MMP26: variants seen among roughly 807,000 people sequenced by gnomAD.
MMP26 encodes matrix metallopeptidase 26.
MMP26 carries 33 observed loss-of-function variants against 31.0 expected under a neutral mutation model. That is an observed-to-expected ratio of 1.06 (90% confidence interval 0.81 to 1.42). The LOEUF is 1.42. MMP26 is among the 40% of genes most tolerant of loss of function. MMP26 has a pLI of 0.00. For synonymous variants in MMP26, 122 were observed against 114.9 expected, an observed-to-expected ratio of 1.06 and a Z score of -0.40; for missense variants, 347 against 316.1, an observed-to-expected ratio of 1.10 and a Z score of -0.74.
At chr11:4,883,096 C>T (rs1396643560) in intron 2 of MMP26, among the ~76,000 whole-genome samples, 1 of 152,066 alleles carries the variant, frequency 6.6e-6, no homozygotes, top group Non-Finnish European at 1.5e-5. Flanking sequence ...TGTCCCTGAA[C>T]CATTTTAAAC....
intron 2 of MMP26, among the ~76,000 whole-genome samples, chr11:4,817,423 A>G (rs1430792172): frequency 6.6e-6 from 1 of 152,084 alleles, no homozygotes; most frequent in Non-Finnish European, 1.5e-5. Flanking sequence ...TTCTCTGCAA[A>G]ATAAATAAAT....
Position 4,826,784 on chromosome 11 carries a change from G to A in MMP26, c.-145+59443G>A, listed in dbSNP as rs570032700. ...AAAGGAATTTGGAGGTTGAGAAATG[G>A]CATATCAATAATAATCCAGATACCA... On this transcript the variant is annotated intron_variant, in intron 2 of 7. Coordinates refer to ENST00000380390, the MANE Select transcript of MMP26 (RefSeq NM_021801.5). Among the ~76,000 whole-genome samples, 4 of 152,124 alleles carry A rather than the reference G, an allele frequency of 2.6e-5. No individual in the cohort carries two copies. In the East Asian group the frequency reaches 7.7e-4, roughly 29 times the overall value.
chr11:4,885,959 T>C (rs10768340), intron 2 of MMP26, among the ~76,000 whole-genome samples: 100,703 of 151,868 alleles, frequency 0.66, 34,839 homozygotes, highest in Middle Eastern at 0.78. Context: ...TTCTTCACCA[T>C]CTGAACTCCA....
intron 2 of MMP26, among the ~76,000 whole-genome samples, chr11:4,935,188 T>C (rs938253330): frequency 6.6e-6 from 1 of 151,864 alleles, no homozygotes; most frequent in Admixed American, 6.6e-5. Flanking sequence ...TTTCACGATA[T>C]TGATTCTTCC....
intron 1 of MMP26, among the ~76,000 whole-genome samples, chr11:4,757,413 G>T (rs1848518030): frequency 6.6e-6 from 1 of 151,852 alleles, no homozygotes; most frequent in Non-Finnish European, 1.5e-5. Context: ...TATGACCTTG[G>T]GTTAGGCAAA....
At chr11:4,938,560 A>C in intron 2 of MMP26, among the ~76,000 whole-genome samples, 1 of 152,138 alleles carries the variant, frequency 6.6e-6, no homozygotes, top group East Asian at 1.9e-4. Context: ...TTAAATTATC[A>C]AACAACTTAG....
At chr11:4,979,211 C>A (rs1038470380) in intron 2 of MMP26, among the ~76,000 whole-genome samples, 2 of 152,090 alleles carry the variant, frequency 1.3e-5, no homozygotes, top group African/African-American at 4.8e-5. Context: ...AGATGGATAA[C>A]CATGAAGCTG....
intron 2 of MMP26, among the ~76,000 whole-genome samples, chr11:4,881,244 G>A (rs1369230027): frequency 6.6e-6 from 1 of 152,064 alleles, no homozygotes; most frequent in African/African-American, 2.4e-5. Context: ...CGGAACCACT[G>A]TCTCCTCTCC....
At chr11:4,806,578 A>G (rs978520668) in intron 2 of MMP26, among the ~76,000 whole-genome samples, 2 of 151,896 alleles carry the variant, frequency 1.3e-5, no homozygotes, top group South Asian at 2.1e-4. Context: ...TTGCTTGGTA[A>G]ATCTTCCTCC....
At chr11:4,917,787 T>C (rs1006421431) in intron 2 of MMP26, among the ~76,000 whole-genome samples, 6 of 152,098 alleles carry the variant, frequency 3.9e-5, no homozygotes, top group African/African-American at 1.4e-4. Flanking sequence ...TGTAATAGTC[T>C]CTAATTGTTC....
chr11:4,816,744 C>G (rs1461045417), intron 2 of MMP26, among the ~76,000 whole-genome samples: 5 of 127,874 alleles, frequency 3.9e-5, no homozygotes, highest in Admixed American at 1.7e-4. Flanking sequence ...CGCTCTATTG[C>G]CCAGGCTGGA....
chr11:4,798,237 T>C (rs1368165810), intron 2 of MMP26, among the ~76,000 whole-genome samples: 1 of 152,204 alleles, frequency 6.6e-6, no homozygotes, highest in Admixed American at 6.5e-5. Context: ...AAAGTCTCTT[T>C]ACACATCACC....
chr11:4,715,212 T>C (rs1413124802), intron 1 of MMP26, among the ~76,000 whole-genome samples: 1 of 152,116 alleles, frequency 6.6e-6, no homozygotes. Context: ...ATGAACTACC[T>C]TCCAGTAACT....
intron 1 of MMP26, among the ~76,000 whole-genome samples, chr11:4,733,656 C>T (rs1049775528): frequency 7.4e-4 from 113 of 152,126 alleles, no homozygotes; most frequent in Non-Finnish European, 8.4e-4. Flanking sequence ...CTTCCTCTTT[C>T]CCTGGATTTT....
chr11:4,961,498 A>G (rs1419407015), intron 2 of MMP26, among the ~76,000 whole-genome samples: 1 of 152,190 alleles, frequency 6.6e-6, no homozygotes, highest in East Asian at 1.9e-4. Flanking sequence ...TAATCCAGTC[A>G]AGTTGACACC....
chr11:4,908,577 C>A, intron 2 of MMP26: 4 of 475,668 alleles, frequency 8.4e-6, no homozygotes, highest in Non-Finnish European at 1.5e-5. Flanking sequence ...TTGAGTCAAC[C>A]CATAAAGAAT....
At chr11:4,882,453 A>C (rs141673333) in intron 2 of MMP26, 40 of 1,605,522 alleles carry the variant, frequency 2.5e-5, no homozygotes, top group Middle Eastern at 1.6e-4. Flanking sequence ...TACCACCCAG[A>C]AGTGATCAAA....
At chr11:4,958,189 C>A (rs1277415815) in intron 2 of MMP26, among the ~76,000 whole-genome samples, 1 of 152,178 alleles carries the variant, frequency 6.6e-6, no homozygotes, top group Non-Finnish European at 1.5e-5. Flanking sequence ...TCCTATCCCC[C>A]CTTCCTCTTC....
intron 2 of MMP26, among the ~76,000 whole-genome samples, chr11:4,939,530 A>G (rs1846179536): frequency 1.3e-5 from 2 of 152,102 alleles, no homozygotes; most frequent in African/African-American, 4.8e-5. Flanking sequence ...CATTATTGTA[A>G]TCATTTAGGA....
Sources: allele counts gnomAD v4.1 joint callset (sites outside exome capture counted in the v4.1 genomes callset), GRCh38; gene constraint gnomAD v4.1.1; transcripts MANE v1.5; gene names NCBI Gene and HGNC (gene_info 2026-07-23, HGNC 2026-07-21).